Variants in NRDC observed in about 807,000 individuals in gnomAD.
NRDC encodes the protein nardilysin convertase.
NRDC carries 54 observed loss-of-function variants against 147.1 expected under a neutral mutation model. The ratio of observed to expected loss-of-function variants is 0.37; its 90% CI spans 0.29 to 0.46. The LOEUF (loss-of-function observed/expected upper bound fraction) is 0.46. Among genes scored for constraint, NRDC ranks in the 20% least tolerant of loss-of-function variants. The probability of loss-of-function intolerance (pLI) is 1.00; values close to 1 mark genes in which losing one functional copy is unlikely to be tolerated. For missense variants in NRDC, 1,082 were observed against 1,370.6 expected, an observed-to-expected ratio of 0.79 and a Z score of 3.33; for synonymous variants, 440 against 482.1, an observed-to-expected ratio of 0.91 and a Z score of 1.14.
At chr1:51,803,293 G>A (rs1571848142) in intron 20 of NRDC, among the ~76,000 whole-genome samples, 3 of 152,004 alleles carry the variant, frequency 2.0e-5, no homozygotes, top group East Asian at 1.9e-4. Context: ...TGGCCAACAC[G>A]GAGAAACCCC....
intron 13 of NRDC, 195 bp downstream of exon 13, chr1:51,814,356 G>A: frequency 1.7e-6 from 1 of 582,928 alleles, no homozygotes; most frequent in Non-Finnish European, 3.0e-6. Flanking sequence ...GAAAATAAAG[G>A]GACTGCCCAC....
intron 1 of NRDC, among the ~76,000 whole-genome samples, chr1:51,848,860 T>G (rs903240150): frequency 2.6e-5 from 4 of 152,354 alleles, no homozygotes; most frequent in Middle Eastern, 3.4e-3. Context: ...AAAAAAGGTC[T>G]GTTATTTGCC....
At chr1:51,819,757 G>A (rs1246191225) in intron 9 of NRDC, 43 bp downstream of exon 9, 14 of 1,460,134 alleles carry the variant, frequency 9.6e-6, no homozygotes, top group Non-Finnish European at 1.2e-5. Flanking sequence ...TAGAGAATGT[G>A]CTAACATTAT....
chr1:51,832,801 A>C (rs1031097522), intron 4 of NRDC, among the ~76,000 whole-genome samples: 1 of 152,214 alleles, frequency 6.6e-6, no homozygotes, highest in African/African-American at 2.4e-5. Context: ...TTCACTGCTT[A>C]GAACTTAATA....
At chr1:51,860,814 G>A (rs1009306070) in intron 1 of NRDC, among the ~76,000 whole-genome samples, 1 of 152,162 alleles carries the variant, frequency 6.6e-6, no homozygotes, top group Non-Finnish European at 1.5e-5. Context: ...TATTACAAGA[G>A]AGATAGTGTG....
At chr1:51,837,421 T>C (rs1180475758) in intron 2 of NRDC, 2 of 1,365,630 alleles carry the variant, frequency 1.5e-6, no homozygotes, top group Non-Finnish European at 1.9e-6. Flanking sequence ...GTTAAAACAT[T>C]GGGGAATATC....
At chr1:51,865,101 G>A (rs372652688) in intron 1 of NRDC, among the ~76,000 whole-genome samples, 4 of 152,074 alleles carry the variant, frequency 2.6e-5, no homozygotes, top group African/African-American at 7.2e-5. Context: ...TGGACTTAGA[G>A]AATACATTTG....
intron 17 of NRDC, among the ~76,000 whole-genome samples, 192 bp from the exon 18 acceptor site, chr1:51,807,105 A>G (rs1201737464): frequency 1.3e-5 from 2 of 152,228 alleles, no homozygotes; most frequent in African/African-American, 2.4e-5. Flanking sequence ...AATAAATTCT[A>G]AAGATCTGGA....
At chr1:51,793,847 G>A (rs1571836277) in intron 24 of NRDC, 1 of 152,286 alleles carries the variant, frequency 6.6e-6, no homozygotes, top group Non-Finnish European at 1.5e-5. Flanking sequence ...AAGCGAGTGG[G>A]ACCAACCACA....
chr1:51,805,606 A>G (rs934981840), intron 18 of NRDC, 45 bp from the exon 19 acceptor site: 3 of 1,202,376 alleles, frequency 2.5e-6, no homozygotes, highest in Non-Finnish European at 3.6e-6. Flanking sequence ...GGGGCCTCAG[A>G]TATTTTATAC....
intron 9 of NRDC, 107 bp from the exon 10 acceptor site, chr1:51,818,242 G>T: frequency 1.4e-6 from 1 of 720,256 alleles, no homozygotes. Flanking sequence ...AACAAGGAAA[G>T]GTTAAGTACA....
intron 17 of NRDC, among the ~76,000 whole-genome samples, chr1:51,808,679 T>C (rs1679575645): frequency 6.6e-6 from 1 of 152,208 alleles, no homozygotes; most frequent in South Asian, 2.1e-4. Flanking sequence ...AAATACAGTG[T>C]TCTGAGTAAA....
Position 51,840,568 on chromosome 1 carries a change from A to G in NRDC, c.342-54T>C, listed in dbSNP as rs183093835. On this transcript the variant is annotated intron_variant, in intron 1 of 30. Transcript: ENST00000352171. Reference sequence around the variant, plus strand: ...TTTGATTCAGCTGTTCTTTACACCAATACAAGTAATCAGCTTAGCAGAATT... The same window carrying G: ...TTTGATTCAGCTGTTCTTTACACCAGTACAAGTAATCAGCTTAGCAGAATT... The G allele has an allele frequency of 5.1e-4, 600 of 1,187,142 alleles. 2 individuals are homozygous for G. The highest frequency in any genetic ancestry group is 8.1e-5 in the Non-Finnish European group (68 of 839,324). The allele number at this position is 1,187,142 out of a possible 1,614,324, so 73.5% of individuals were successfully genotyped here.
At chr1:51,817,074 C>A (rs1176358803) in intron 10 of NRDC, among the ~76,000 whole-genome samples, 1 of 151,998 alleles carries the variant, frequency 6.6e-6, no homozygotes, top group Non-Finnish European at 1.5e-5. Context: ...CAAAGACATA[C>A]AGAAAAAAAT....
intron 1 of NRDC, among the ~76,000 whole-genome samples, chr1:51,855,229 CA>C (rs756890470): frequency 9.2e-5 from 14 of 152,150 alleles, no homozygotes; most frequent in Non-Finnish European, 1.5e-4. Context: ...CCCTTACCTG[CA>C]AATCATCGGG....
chr1:51,822,131 G>A (rs1680238367), intron 7 of NRDC, among the ~76,000 whole-genome samples: 1 of 151,722 alleles, frequency 6.6e-6, no homozygotes. Context: ...GAAATTTATA[G>A]TAAAAAACAG....
At chr1:51,790,692 C>G (rs1431847452) in intron 28 of NRDC, 43 bp from the exon 29 acceptor site, 1 of 1,355,980 alleles carries the variant, frequency 7.4e-7, no homozygotes, top group African/African-American at 1.4e-5. Flanking sequence ...AGGCAACATA[C>G]CACTTCCCAC....
chr1:51,864,391 T>C (rs1682700135), intron 1 of NRDC, among the ~76,000 whole-genome samples: 1 of 152,206 alleles, frequency 6.6e-6, no homozygotes, highest in Non-Finnish European at 1.5e-5. Flanking sequence ...AATTCCATCA[T>C]TCTTACTAGT....
At chr1:51,805,421 G>T (rs530336706) in intron 19 of NRDC, 89 bp downstream of exon 19, 5 of 1,026,422 alleles carry the variant, frequency 4.9e-6, no homozygotes, top group Non-Finnish European at 7.2e-6. Flanking sequence ...AATATGGATA[G>T]AGAAAATGAC....
Sources: allele counts gnomAD v4.1 joint callset (sites outside exome capture counted in the v4.1 genomes callset), GRCh38; gene constraint gnomAD v4.1.1; transcripts MANE v1.5; gene names NCBI Gene and HGNC (gene_info 2026-07-23, HGNC 2026-07-21).